TTLL4: variants seen among roughly 807,000 people sequenced by gnomAD.
The protein encoded by TTLL4 is tubulin tyrosine ligase like 4, also known as tubulin monoglutamylase TTLL4.
TTLL4 carries 85 observed loss-of-function variants against 122.7 expected under a neutral mutation model. The ratio of observed to expected loss-of-function variants is 0.69; its 90% CI spans 0.58 to 0.83. The LOEUF (loss-of-function observed/expected upper bound fraction) is 0.83, where lower values mean the gene tolerates loss of function less well. Among genes scored for constraint, TTLL4 ranks in the 40% least tolerant of loss-of-function variants. TTLL4 has a pLI of 0.00. For synonymous variants in TTLL4, 553 were observed against 563.0 expected (o/e 0.98, Z 0.25); for missense variants, 1,363 against 1,488.6 (o/e 0.92, Z 1.39).
In TTLL4 at chr2:218,738,243, G is replaced by A; in HGVS notation, c.567G>A (p.Gly189=). Residue 189 remains glycine (G), a synonymous_variant, in exon 3 of 20, where the codon GGG becomes GGA. Coordinates refer to ENST00000392102, the MANE Select transcript of TTLL4 (RefSeq NM_014640.5). ...CATACCTCTGCTTGGCAGCGGCTGG[G>A]GAAAACCCTTCAGGGAAGAGCCTGG... is the stretch of plus-strand genomic sequence containing the variant. ...TEPYLCLAAA[G]ENPSGKSLAS... is the part of the protein sequence containing the mutation. The A allele has an allele frequency of 6.2e-7, 1 of 1,613,920 alleles. No individual in the cohort carries two copies. Among genetic ancestry groups the A allele is most frequent in the Non-Finnish European group, 8.5e-7 (1 of 1,179,910 alleles).
chr2:218,737,897 TC>T lies in TTLL4; in HGVS notation c.224del (p.Pro75HisfsTer143). ...SAGLGPGLLGVPPQPAYFFCP... is the reference protein window; with the variant it reads ...SAGLGPGLLGXPPQPAYFFCP... ...GGGTTGGGCCCAGGCCTCTTGGGCG[TC>T]CCACCCCAGCCAGCATATTTCTTTT... is the stretch of plus-strand genomic sequence containing the variant. On this transcript the variant is annotated frameshift_variant, in exon 3 of 20. Coordinates refer to ENST00000392102, the MANE Select transcript of TTLL4 (RefSeq NM_014640.5). LOFTEE classifies it high-confidence loss of function. The T allele has an allele frequency of 1.2e-6, 2 of 1,614,158 alleles. No homozygotes were observed. The highest frequency in any genetic ancestry group is 1.3e-5 in the African/African-American group (1 of 75,028).
chr2:218,713,562 G>A (rs1278757579), intron 1 of TTLL4, among the ~76,000 whole-genome samples: 1 of 152,176 alleles, frequency 6.6e-6, no homozygotes, highest in Non-Finnish European at 1.5e-5. Flanking sequence ...TTACAGGAGT[G>A]AACTACTGTG....
chr2:218,722,555 A>T (rs1232096771), intron 1 of TTLL4, among the ~76,000 whole-genome samples: 3 of 152,172 alleles, frequency 2.0e-5, no homozygotes, highest in African/African-American at 7.2e-5. Flanking sequence ...CAAAGATCTG[A>T]GTGTTTCAGA....
intron 4 of TTLL4, 75 bp from the exon 5 acceptor site, chr2:218,740,446 A>G: frequency 6.7e-7 from 1 of 1,494,818 alleles, no homozygotes; most frequent in Non-Finnish European, 9.3e-7. Flanking sequence ...ATATTCAAGG[A>G]AGAGTTGCCT....
intron 1 of TTLL4, among the ~76,000 whole-genome samples, chr2:218,714,745 A>G (rs1471274848): frequency 2.0e-5 from 3 of 151,690 alleles, no homozygotes; most frequent in Admixed American, 2.0e-4. Context: ...AAAGGGATAT[A>G]TATATATATA....
intron 1 of TTLL4, among the ~76,000 whole-genome samples, chr2:218,721,514 A>G (rs1419171718): frequency 6.6e-6 from 1 of 152,194 alleles, no homozygotes; most frequent in African/African-American, 2.4e-5. Context: ...ATAGTGTCAG[A>G]ATTGAATTAT....
chr2:218,751,870 A>G, intron 16 of TTLL4, 64 bp downstream of exon 16: 1 of 1,239,404 alleles, frequency 8.1e-7, no homozygotes, highest in Non-Finnish European at 1.1e-6. Flanking sequence ...TTTGGGACCC[A>G]AAAGCAAACA....
intron 1 of TTLL4, among the ~76,000 whole-genome samples, chr2:218,712,168 C>G (rs567092002): frequency 6.6e-6 from 1 of 152,194 alleles, no homozygotes; most frequent in African/African-American, 2.4e-5. Context: ...TTTGACAGAC[C>G]TGGGCTAGAT....
chr2:218,752,722 A>T, intron 16 of TTLL4, 41 bp from the exon 17 acceptor site: 1 of 1,608,422 alleles, frequency 6.2e-7, no homozygotes, highest in South Asian at 1.1e-5. Context: ...CCTGGCTTAC[A>T]CTCTCTCACA....
chr2:218,747,306 G>A lies in TTLL4; in HGVS notation c.2183G>A (p.Gly728Asp). The A allele has an allele frequency of 6.2e-7, 1 of 1,614,180 alleles. No individual in the cohort carries two copies. Among genetic ancestry groups the A allele is most frequent in the Non-Finnish European group, 8.5e-7 (1 of 1,180,036 alleles). ...TGCTCCTAGCCAGCATCAGCTCGAG[G>A]CATTGGCATCCAGGTTATTCACAAG... ...WIVKPPASAR[G>D]IGIQVIHKWS... Residue 728 changes from glycine to aspartate, a missense_variant, in exon 10 of 20, where the codon GGC becomes GAC. This residue lies in a region of TTLL4 where 596 missense variants were observed against 655.8 expected (regional missense o/e 0.91). Coordinates refer to ENST00000392102, the MANE Select transcript of TTLL4 (RefSeq NM_014640.5). This position sits in a 1 kb window ranked among gnomAD's most constrained non-coding sequence, Gnocchi z 4.7.
Position 218,747,047 on chromosome 2 carries a change from G to A in TTLL4, c.2019G>A (p.Arg673=). 1.2e-6 allele frequency: 2 copies of A among 1,614,190 alleles called. No homozygotes were observed. Among genetic ancestry groups the A allele is most frequent in the Non-Finnish European group, 1.7e-6 (2 of 1,180,030 alleles). The change falls in exon 9 of 20, where the codon CGG becomes CGA. Residue 673 remains arginine, a synonymous_variant. Coordinates refer to ENST00000392102, the MANE Select transcript of TTLL4 (RefSeq NM_014640.5). The surrounding 1 kb of genome is among the most constrained non-coding windows in gnomAD (Gnocchi z 4.7). ...PGSFQIGRKD[R]LWRNLSRMQS... ...CATTCCAGATTGGGAGGAAGGACCG[G>A]CTATGGCGGAACCTGTCACGTATGC...
At position 218,754,602 on chromosome 2, in the gene TTLL4, C is replaced by T. The variant is rs1475273322; in HGVS notation, c.*213C>T. The T allele has an allele frequency of 7.6e-6, 5 of 659,260 alleles. No individual in the cohort carries two copies. The highest frequency in any genetic ancestry group is 1.0e-5 in the Non-Finnish European group (4 of 397,258). 40.8% of individuals were successfully genotyped at this position (659,260 alleles called of 1,614,324 possible). A position where few individuals can be genotyped will look rare whatever the true frequency, so the allele number is the denominator to read the frequency against. ...AAGGTGAGGAAGGGTCACCCTCTGT[C>T]ACCTGTCTGCCTGGCTGGCACCTCA... is the stretch of plus-strand genomic sequence containing the variant. On this transcript the variant is annotated 3_prime_UTR_variant, in exon 20 of 20. Transcript: ENST00000392102.
At chr2:218,745,478 T>C in intron 6 of TTLL4, 3 of 639,670 alleles carry the variant, frequency 4.7e-6, no homozygotes, top group Non-Finnish European at 8.2e-6. Flanking sequence ...CTTGTTGCTT[T>C]TCCCTTTCAG....
intron 2 of TTLL4, among the ~76,000 whole-genome samples, chr2:218,732,393 G>A (rs183996171): frequency 6.8e-4 from 104 of 152,124 alleles, no homozygotes; most frequent in African/African-American, 2.2e-3. Context: ...TCCTAGAGGC[G>A]CACATATACA....
At chr2:218,740,207 T>C (rs374642449) in intron 4 of TTLL4, 40 bp downstream of exon 4, 1 of 1,582,678 alleles carries the variant, frequency 6.3e-7, no homozygotes, top group African/African-American at 1.3e-5. Context: ...AGGAGTTGGT[T>C]ATGACCTGTT....
chr2:218,727,026 C>G (rs961739900), intron 1 of TTLL4, among the ~76,000 whole-genome samples: 1 of 152,104 alleles, frequency 6.6e-6, no homozygotes, highest in Non-Finnish European at 1.5e-5. Flanking sequence ...TCAGGCAGGT[C>G]TCAAGCTCCA....
downstream of TTLL4, among the ~76,000 whole-genome samples, chr2:218,759,088 TACA>T (rs1268417530): frequency 6.7e-6 from 1 of 148,772 alleles, no homozygotes; most frequent in Non-Finnish European, 1.5e-5. Context: ...CTACTAAAAA[TACA>T]ACATTAGCTG....
chr2:218,735,794 T>C (rs1470391150), intron 2 of TTLL4, among the ~76,000 whole-genome samples: 1 of 151,526 alleles, frequency 6.6e-6, no homozygotes, highest in Non-Finnish European at 1.5e-5. Flanking sequence ...TGCCTCAGGC[T>C]CCCAAGTAGC....
chr2:218,737,671 C>A lies in TTLL4; in HGVS notation c.-6C>A. ...TGAGACCGTGTGGCCATGATGTGGGCCCCTCATGGCCTCAGCAGGAACACA... is the reference window on the plus strand; with the variant it reads ...TGAGACCGTGTGGCCATGATGTGGGACCCTCATGGCCTCAGCAGGAACACA... On this transcript the variant is annotated 5_prime_UTR_variant, in exon 3 of 20. Transcript: ENST00000392102. The A allele has an allele frequency of 6.4e-7, 1 of 1,570,990 alleles. No homozygotes were observed. The highest frequency in any genetic ancestry group is 8.6e-7 in the Non-Finnish European group (1 of 1,157,634).
Sources: allele counts gnomAD v4.1 joint callset (sites outside exome capture counted in the v4.1 genomes callset), GRCh38; gene constraint gnomAD v4.1.1; regional missense constraint gnomAD v4.1.1; non-coding constraint Gnocchi (gnomAD v3.1); transcripts MANE v1.5; gene names NCBI Gene and HGNC (gene_info 2026-07-23, HGNC 2026-07-21).